ABCA12: variants seen among roughly 807,000 people sequenced by gnomAD.
ABCA12 encodes glucosylceramide transporter ABCA12.
In ABCA12, 156 loss-of-function variants were observed where a neutral mutation model predicts 293.5. That is an observed-to-expected ratio of 0.53 (90% CI 0.47 to 0.61). The LOEUF (loss-of-function observed/expected upper bound fraction) is 0.61, where lower values mean the gene tolerates loss of function less well. ABCA12 is among the 20% of genes least tolerant of loss of function. ABCA12 has a pLI of 0.00. For synonymous variants in ABCA12, 1,063 were observed against 1,108.0 expected (o/e 0.96, Z 0.81); for missense variants, 2,797 against 3,090.2 (o/e 0.91, Z 2.25).
intron 13 of ABCA12, 93 bp downstream of exon 13, chr2:215,019,243 G>T: frequency 7.1e-6 from 8 of 1,131,574 alleles, no homozygotes; most frequent in Non-Finnish European, 1.1e-5. Context: ...AAGCGAGTTT[G>T]GTTGGGAACT....
At chr2:215,111,526 TA>T in intron 2 of ABCA12, 70 bp downstream of exon 2, 1 of 1,295,856 alleles carries the variant, frequency 7.7e-7, no homozygotes, top group Non-Finnish European at 1.1e-6. Flanking sequence ...AATGAAACAC[TA>T]AAGTGGTACC....
chr2:215,078,858 T>C (rs1020919707), intron 2 of ABCA12, among the ~76,000 whole-genome samples: 5 of 152,186 alleles, frequency 3.3e-5, no homozygotes, highest in African/African-American at 1.2e-4. Context: ...AGGCAATTAC[T>C]CCTCTTTTCC....
At chr2:214,946,708 G>A (rs1337516871) in intron 48 of ABCA12, among the ~76,000 whole-genome samples, 1 of 151,966 alleles carries the variant, frequency 6.6e-6, no homozygotes, top group Non-Finnish European at 1.5e-5. Flanking sequence ...TGAATGAACG[G>A]GATTTTCCAA....
intron 2 of ABCA12, among the ~76,000 whole-genome samples, chr2:215,080,421 T>C (rs1368968942): frequency 6.6e-6 from 1 of 151,972 alleles, no homozygotes; most frequent in African/African-American, 2.4e-5. Flanking sequence ...GACAATTGCT[T>C]GAACCCAGGA....
intron 23 of ABCA12, among the ~76,000 whole-genome samples, chr2:214,992,154 T>A (rs1231275107): frequency 2.0e-5 from 3 of 152,016 alleles, no homozygotes; most frequent in African/African-American, 7.2e-5. Flanking sequence ...AATTCATGAT[T>A]AATGAGGGCC....
chr2:214,997,951 C>T lies in ABCA12; in HGVS notation c.3180-142G>A, dbSNP rs545423249. The T allele has an allele frequency of 8.2e-5, 50 of 612,722 alleles. No individual in the cohort carries two copies. The African/African-American group carries it at 8.5e-4, about 10-fold the overall frequency. The allele number at this position is 612,722 out of a possible 1,614,324, so 38.0% of individuals were successfully genotyped here. Reference sequence around the variant, plus strand: ...AAATTGAAAATAATCGGTATTACCCCATTATTTACGAAGCATGAAGCTGAT... The same window carrying T: ...AAATTGAAAATAATCGGTATTACCCTATTATTTACGAAGCATGAAGCTGAT... On this transcript the variant is annotated intron_variant, in intron 22 of 52. Transcript: ENST00000272895.
chr2:215,046,658 T>A (rs1216066190), intron 6 of ABCA12, among the ~76,000 whole-genome samples: 1 of 151,832 alleles, frequency 6.6e-6, no homozygotes, highest in Non-Finnish European at 1.5e-5. Context: ...AAAACAATTG[T>A]AAGTACTTTA....
intron 3 of ABCA12, among the ~76,000 whole-genome samples, chr2:215,062,333 G>A (rs1240901072): frequency 2.0e-5 from 3 of 151,988 alleles, no homozygotes; most frequent in African/African-American, 7.2e-5. Flanking sequence ...GATTATACAA[G>A]AGGGAATAGA....
At position 215,015,155 on chromosome 2, in the gene ABCA12, C is replaced by T. The variant is rs1574984436; in HGVS notation, c.1956+335G>A. Among the ~76,000 whole-genome samples, 2 of 55,248 alleles carry T rather than the reference C, an allele frequency of 3.6e-5. 1 individual carries two copies. Among genetic ancestry groups the T allele is most frequent in the South Asian group, 3.2e-3 (2 of 622 alleles). The allele number at this position is 55,248 out of a possible 152,430, so 36.2% of individuals were successfully genotyped here. On this transcript the variant is annotated intron_variant, in intron 15 of 52. Coordinates refer to ENST00000272895, the MANE Select transcript of ABCA12 (RefSeq NM_173076.3). ...TAACCCTACCAACTTCATGTCTGTT[C>T]ACTGTTAAAAAAATAATAATTGCAA...
In ABCA12 at chr2:215,004,295, G is replaced by A. The variant is rs1376905811; in HGVS notation, c.2597C>T (p.Thr866Ile). Reference sequence around the variant, plus strand: ...AACTTGCACAAAAGGGTTCCTTAGAGTATTCTAACAAATAATAATTAAAAA... The same window carrying A: ...AACTTGCACAAAAGGGTTCCTTAGAATATTCTAACAAATAATAATTAAAAA... ...LNQAIPMLQN[T>I]LRNPFVQVFV... The change falls in exon 20 of 53, where the codon ACT (threonine) becomes ATT (isoleucine). Residue 866 changes from threonine (T) to isoleucine (I), a missense_variant. This residue lies in a region of ABCA12 where 2,130 missense variants were observed against 2,427.0 expected (regional missense o/e 0.88). Coordinates refer to ENST00000272895, the MANE Select transcript of ABCA12 (RefSeq NM_173076.3). The A allele has an allele frequency of 1.2e-6, 2 of 1,608,712 alleles. No homozygotes were observed. Among genetic ancestry groups the A allele is most frequent in the Non-Finnish European group, 1.7e-6 (2 of 1,176,214 alleles).
At chr2:214,961,360 G>A (rs1258901169) in intron 39 of ABCA12, among the ~76,000 whole-genome samples, 1 of 151,982 alleles carries the variant, frequency 6.6e-6, no homozygotes, top group Non-Finnish European at 1.5e-5. Context: ...AAACTTTTAT[G>A]TTTTAGAATT....
chr2:215,033,803 T>C (rs940191289), intron 8 of ABCA12, among the ~76,000 whole-genome samples: 11 of 151,964 alleles, frequency 7.2e-5, no homozygotes, highest in African/African-American at 2.7e-4. Flanking sequence ...TAGCCGGGCG[T>C]GGTAGCAGGT....
intron 1 of ABCA12, among the ~76,000 whole-genome samples, chr2:215,131,778 C>T (rs1255588942): frequency 8.2e-6 from 1 of 121,828 alleles, no homozygotes; most frequent in Non-Finnish European, 1.8e-5. Flanking sequence ...CTTCTGATAG[C>T]TTTTATTTTA....
Position 214,932,049 on chromosome 2 carries a change from G to C in ABCA12, c.*585C>G, listed in dbSNP as rs1450655978. On this transcript the variant is annotated 3_prime_UTR_variant, in exon 53 of 53. Coordinates refer to ENST00000272895, the MANE Select transcript of ABCA12 (RefSeq NM_173076.3). ...TCCTTATGGAAAGGCACTTTTTTTC[G>C]GGTTCAGCACGTCCCCATGCATTCA... 6.5e-6 allele frequency: 1 copy of C among 154,916 alleles called. No homozygotes were observed. Among genetic ancestry groups the C allele is most frequent in the Non-Finnish European group, 1.4e-5 (1 of 70,162 alleles). The allele number at this position is 154,916 out of a possible 1,614,324, so 9.6% of individuals were successfully genotyped here.
At chr2:215,138,049 C>G in intron 1 of ABCA12, 91 bp downstream of exon 1, 1 of 1,308,574 alleles carries the variant, frequency 7.6e-7, no homozygotes, top group Non-Finnish European at 1.1e-6. Context: ...CCTTTAAACT[C>G]TTCTGTTTTC....
At chr2:215,074,000 C>A (rs1286489135) in intron 2 of ABCA12, among the ~76,000 whole-genome samples, 1 of 152,176 alleles carries the variant, frequency 6.6e-6, no homozygotes, top group Non-Finnish European at 1.5e-5. Flanking sequence ...AGTAAAAAAC[C>A]TGAATAACTT....
chr2:215,072,770 C>G (rs1370342023), intron 2 of ABCA12, among the ~76,000 whole-genome samples: 2 of 152,206 alleles, frequency 1.3e-5, no homozygotes, highest in Non-Finnish European at 2.9e-5. Context: ...AAATCTCACT[C>G]ATACTTTCAA....
rs770975418 is a variant in ABCA12, at chr2:214,980,687, TAC to T, written c.4580-46_4580-45del. The stretch of plus-strand genomic sequence containing the variant: ...AACAACAGGGAATGAAACGTGAAAG[TAC>T]AGTTCCCAAGACACACAGAGTTGGC... On this transcript the variant is annotated intron_variant, in intron 30 of 52. Transcript: ENST00000272895. The T allele has an allele frequency of 3.1e-6, 5 of 1,611,972 alleles. No homozygotes were observed. The South Asian group carries it at 5.5e-5, about 18-fold the overall frequency.
chr2:214,957,754 A>G (rs1172735478), intron 41 of ABCA12, among the ~76,000 whole-genome samples: 2 of 152,226 alleles, frequency 1.3e-5, no homozygotes, highest in Non-Finnish European at 2.9e-5. Context: ...TGAGAGAGCT[A>G]TCAATGAAAT....
Sources: gnomAD v4.1 joint callset for allele counts (sites outside exome capture counted in the v4.1 genomes callset) on GRCh38, gnomAD v4.1.1 for gene constraint, gnomAD v4.1.1 regional missense constraint, MANE v1.5 for transcripts, NCBI Gene and HGNC (gene_info 2026-07-23, HGNC 2026-07-21) for gene names.